The following PPARGC1A variants were observed in gnomAD, a reference collection of about 807,000 sequenced individuals.
PPARGC1A encodes the protein PPARG coactivator 1 alpha.
PPARGC1A carries 25 observed loss-of-function variants against 88.7 expected under a neutral mutation model. That is an observed-to-expected ratio of 0.28 (90% CI 0.21 to 0.39). The LOEUF (loss-of-function observed/expected upper bound fraction) is 0.39. Ranked by LOEUF, PPARGC1A falls within the 10% of genes least tolerant of loss-of-function variation. The probability of loss-of-function intolerance (pLI) is 1.00; values close to 1 mark genes in which losing one functional copy is unlikely to be tolerated. For missense variants in PPARGC1A, 880 were observed against 968.7 expected (o/e 0.91, Z 1.22); for synonymous variants, 363 against 355.6 (o/e 1.02, Z -0.24).
the PPARGC1A span, among the ~76,000 whole-genome samples, chr4:23,978,363 C>T: frequency 6.6e-6 from 1 of 152,206 alleles, no homozygotes; most frequent in Non-Finnish European, 1.5e-5. Flanking sequence ...TTTTATTAAT[C>T]CATCACATAG....
chr4:24,041,424 G>T, the PPARGC1A span, among the ~76,000 whole-genome samples: 3 of 152,098 alleles, frequency 2.0e-5, no homozygotes, highest in African/African-American at 4.8e-5. Flanking sequence ...GCATCTTCAG[G>T]TCCAGGTGGT....
the PPARGC1A span, among the ~76,000 whole-genome samples, chr4:24,038,156 C>G: frequency 6.6e-6 from 1 of 152,150 alleles, no homozygotes; most frequent in African/African-American, 2.4e-5. Flanking sequence ...AAGTGGATGA[C>G]CAGGAGAATG....
the PPARGC1A span, among the ~76,000 whole-genome samples, chr4:24,391,943 C>T: frequency 6.6e-6 from 1 of 152,004 alleles, no homozygotes. Context: ...CAGGGTTATG[C>T]CCTGACAAAG....
the PPARGC1A span, among the ~76,000 whole-genome samples, chr4:24,107,341 T>C: frequency 6.6e-6 from 1 of 152,218 alleles, no homozygotes; most frequent in Non-Finnish European, 1.5e-5. Context: ...GGTACAATAG[T>C]AGCTCTGAAG....
chr4:24,244,701 T>C, the PPARGC1A span, among the ~76,000 whole-genome samples: 4 of 152,206 alleles, frequency 2.6e-5, no homozygotes, highest in African/African-American at 2.4e-5. Context: ...TTGGTTATCA[T>C]AAATGGATAG....
upstream of PPARGC1A, chr4:23,890,123 GTCAC>G: frequency 7.6e-7 from 1 of 1,314,048 alleles, no homozygotes; most frequent in Non-Finnish European, 9.8e-7. Context: ...AGGCTGGGCT[GTCAC>G]TCACCCAGCC....
the PPARGC1A span, among the ~76,000 whole-genome samples, chr4:24,095,821 A>C: frequency 6.6e-6 from 1 of 152,304 alleles, no homozygotes; most frequent in Non-Finnish European, 1.5e-5. Context: ...TCATTTGGCA[A>C]AAGGGCAAGT....
chr4:23,968,870 C>T, the PPARGC1A span, among the ~76,000 whole-genome samples: 15 of 152,048 alleles, frequency 9.9e-5, no homozygotes, highest in African/African-American at 3.6e-4. Context: ...CGAGATCACA[C>T]CATTGCACTC....
chr4:24,110,797 G>A, the PPARGC1A span, among the ~76,000 whole-genome samples: 2 of 152,152 alleles, frequency 1.3e-5, no homozygotes, highest in Non-Finnish European at 2.9e-5. Context: ...AACCCAATGA[G>A]ATATACGTTG....
chr4:23,817,516 G>A (rs1178362722), intron 7 of PPARGC1A, among the ~76,000 whole-genome samples: 1 of 152,034 alleles, frequency 6.6e-6, no homozygotes, highest in Non-Finnish European at 1.5e-5. Context: ...TTTGACATAA[G>A]TATATTTTTC....
chr4:24,427,291 T>C, the PPARGC1A span, among the ~76,000 whole-genome samples: 42 of 151,652 alleles, frequency 2.8e-4, 1 homozygote, highest in Non-Finnish European at 5.9e-5. Context: ...TATTTTTTTT[T>C]TTTTTTTGAG....
chr4:23,794,898 T>C lies in PPARGC1A; in HGVS notation c.*924A>G, dbSNP rs1717235013. 2 of 152,332 alleles carry C rather than the reference T, an allele frequency of 1.3e-5. No homozygotes were observed. Among genetic ancestry groups the C allele is most frequent in the Non-Finnish European group, 2.9e-5 (2 of 67,988 alleles). 9.4% of individuals were successfully genotyped at this position (152,332 alleles called of 1,614,324 possible). ...TTGACCATTGACAAGGCTTTTGAAA[T>C]TTGCAGTGGAAGATCAACATTTTGG... On this transcript the variant is annotated 3_prime_UTR_variant, in exon 13 of 13. Transcript: ENST00000264867.
chr4:24,306,925 T>C, the PPARGC1A span, among the ~76,000 whole-genome samples: 1 of 152,218 alleles, frequency 6.6e-6, no homozygotes, highest in Non-Finnish European at 1.5e-5. Flanking sequence ...TCACTAAACA[T>C]ACTTTTAAGA....
At chr4:24,196,641 G>A in the PPARGC1A span, among the ~76,000 whole-genome samples, 1 of 152,194 alleles carries the variant, frequency 6.6e-6, no homozygotes, top group Non-Finnish European at 1.5e-5. Flanking sequence ...TCAGAGACAA[G>A]GCCAGGTGGA....
the PPARGC1A span, among the ~76,000 whole-genome samples, chr4:23,921,124 A>C: frequency 6.6e-6 from 1 of 152,180 alleles, no homozygotes; most frequent in African/African-American, 2.4e-5. Flanking sequence ...AAAGCGAACA[A>C]TTCCTTTCTC....
the PPARGC1A span, among the ~76,000 whole-genome samples, chr4:24,396,625 A>AT: frequency 3.4e-3 from 503 of 149,152 alleles, 11 homozygotes; most frequent in East Asian, 0.052. Context: ...GATGTCTCCC[A>AT]TTTTTTTTTT....
intron 2 of PPARGC1A, among the ~76,000 whole-genome samples, chr4:23,850,423 A>G (rs1300504206): frequency 6.6e-6 from 1 of 152,188 alleles, no homozygotes; most frequent in Admixed American, 6.5e-5. Context: ...CTACCAGGGA[A>G]CTAAAAGTAA....
chr4:24,456,473 T>C, the PPARGC1A span, among the ~76,000 whole-genome samples: 1 of 152,130 alleles, frequency 6.6e-6, no homozygotes, highest in Admixed American at 6.5e-5. Context: ...CGATATTTGC[T>C]AGATGACGCT....
the PPARGC1A span, among the ~76,000 whole-genome samples, chr4:23,947,352 GATATATATATATAT>G: frequency 7.9e-5 from 6 of 75,850 alleles, no homozygotes; most frequent in African/African-American, 3.6e-4. Flanking sequence ...GTTATATAGT[GATATATATATATAT>G]ATATATATAT....
Sources: gnomAD v4.1 joint callset for allele counts (sites outside exome capture counted in the v4.1 genomes callset) on GRCh38, gnomAD v4.1.1 for gene constraint, MANE v1.5 for transcripts, NCBI Gene and HGNC (gene_info 2026-07-23, HGNC 2026-07-21) for gene names.